Variants in PTPRQ observed in about 807,000 individuals in gnomAD.
PTPRQ encodes phosphatidylinositol phosphatase PTPRQ.
A neutral mutation model predicts 246.0 loss-of-function variants in PTPRQ; 199 were observed. The ratio of observed to expected loss-of-function variants is 0.81; its 90% CI spans 0.72 to 0.91. The LOEUF (loss-of-function observed/expected upper bound fraction) is 0.91. Among genes scored for constraint, PTPRQ ranks in the 40% least tolerant of loss-of-function variants. The probability of loss-of-function intolerance (pLI) is 0.00; values close to 1 mark genes in which losing one functional copy is unlikely to be tolerated. For synonymous variants in PTPRQ, 869 were observed against 853.2 expected, an observed-to-expected ratio of 1.02 and a Z score of -0.32; for missense variants, 2,624 against 2,528.4, an observed-to-expected ratio of 1.04 and a Z score of -0.81.
chr12:80,654,618 C>T (rs1163022), intron 38 of PTPRQ, among the ~76,000 whole-genome samples: 2,741 of 150,270 alleles, frequency 0.018, 72 homozygotes, highest in African/African-American at 0.064. Flanking sequence ...GAGGCTGAGG[C>T]GGGCAGATCA....
intron 14 of PTPRQ, among the ~76,000 whole-genome samples, chr12:80,504,889 C>G (rs553710901): frequency 6.6e-6 from 1 of 152,036 alleles, no homozygotes; most frequent in South Asian, 2.1e-4. Flanking sequence ...TTTCTGTCCT[C>G]TCTGCATGGT....
chr12:80,554,109 G>A (rs1399253595), intron 25 of PTPRQ, among the ~76,000 whole-genome samples: 3 of 152,008 alleles, frequency 2.0e-5, no homozygotes, highest in African/African-American at 7.3e-5. Context: ...GATGGTTAAG[G>A]ATACAAAAAC....
At chr12:80,550,831 C>T (rs1056564443) in intron 25 of PTPRQ, among the ~76,000 whole-genome samples, 7 of 152,124 alleles carry the variant, frequency 4.6e-5, no homozygotes, top group Admixed American at 3.9e-4. Context: ...TAGGAATACT[C>T]TCTATTCCAT....
chr12:80,665,954 G>A (rs946451661), intron 39 of PTPRQ, among the ~76,000 whole-genome samples: 1 of 151,906 alleles, frequency 6.6e-6, no homozygotes, highest in Non-Finnish European at 1.5e-5. Context: ...ACAAATGCCA[G>A]CAAGAATGCA....
At chr12:80,589,489 T>C (rs1897721638) in intron 26 of PTPRQ, among the ~76,000 whole-genome samples, 1 of 152,162 alleles carries the variant, frequency 6.6e-6, no homozygotes, top group Non-Finnish European at 1.5e-5. Flanking sequence ...TACTTATTAG[T>C]ATAGTAACAT....
intron 23 of PTPRQ, among the ~76,000 whole-genome samples, chr12:80,545,804 T>C (rs1896287379): frequency 6.7e-6 from 1 of 149,536 alleles, no homozygotes; most frequent in Non-Finnish European, 1.5e-5. Context: ...TATTTATTAC[T>C]GTTTTGCCAG....
intron 10 of PTPRQ, 135 bp from the exon 11 acceptor site, chr12:80,494,798 T>G: frequency 1.3e-6 from 1 of 777,954 alleles, no homozygotes; most frequent in East Asian, 3.0e-5. Flanking sequence ...ACACCTAACT[T>G]TAATAGAGGT....
At chr12:80,580,982 T>C (rs532851778) in intron 25 of PTPRQ, among the ~76,000 whole-genome samples, 1 of 152,316 alleles carries the variant, frequency 6.6e-6, no homozygotes, top group South Asian at 2.1e-4. Flanking sequence ...TGAACGAATA[T>C]TGATCTGCTG....
chr12:80,516,137 A>G (rs908593245), intron 17 of PTPRQ, among the ~76,000 whole-genome samples: 1 of 152,100 alleles, frequency 6.6e-6, no homozygotes, highest in Admixed American at 6.6e-5. Flanking sequence ...CTGTAAGCTT[A>G]TTGTTTTAAT....
At chr12:80,495,402 T>TTGC (rs1894586407) in intron 12 of PTPRQ, 31 bp downstream of exon 12, 2 of 1,490,422 alleles carry the variant, frequency 1.3e-6, no homozygotes, top group East Asian at 2.5e-5. Flanking sequence ...GTTGTTGTTG[T>TTGC]TGTTCATTTT....
chr12:80,580,183 T>C (rs1210438827), intron 25 of PTPRQ, among the ~76,000 whole-genome samples: 1 of 152,216 alleles, frequency 6.6e-6, no homozygotes, highest in Non-Finnish European at 1.5e-5. Context: ...TCTCATGCAT[T>C]TAAACCTATA....
intron 25 of PTPRQ, among the ~76,000 whole-genome samples, chr12:80,581,234 T>A (rs1897424163): frequency 6.6e-6 from 1 of 152,156 alleles, no homozygotes. Flanking sequence ...GAAAGGTAAC[T>A]GGTAGTAGAT....
At chr12:80,532,381 G>A (rs762892467) in intron 17 of PTPRQ, among the ~76,000 whole-genome samples, 11 of 151,794 alleles carry the variant, frequency 7.2e-5, no homozygotes, top group Non-Finnish European at 1.5e-4. Context: ...CCACCACGCA[G>A]GGCTAATTTT....
In PTPRQ at chr12:80,542,768, T is replaced by C; in HGVS notation, c.3760T>C (p.Cys1254Arg). ...TCCACAAAATTTGACTTTAATCAACTGTACTTCAGACTTTGTATGGCTGAA... is the reference window on the plus strand; with the variant it reads ...TCCACAAAATTTGACTTTAATCAACCGTACTTCAGACTTTGTATGGCTGAA... ...APPQNLTLINCTSDFVWLKWS... is the reference protein window; with the variant it reads ...APPQNLTLINRTSDFVWLKWS... The change falls in exon 23 of 45, where the codon TGT (cysteine) becomes CGT (arginine). Residue 1254 changes from cysteine to arginine, a missense_variant. Physicochemically the swap from Cys to Arg is radical, Grantham distance 180. Coordinates refer to ENST00000644991, the MANE Select transcript of PTPRQ (RefSeq NM_001145026.2). 6.5e-7 allele frequency: 1 copy of C among 1,549,112 alleles called. No individual in the cohort carries two copies. Among genetic ancestry groups the C allele is most frequent in the Non-Finnish European group, 8.7e-7 (1 of 1,145,974 alleles).
intron 35 of PTPRQ, among the ~76,000 whole-genome samples, chr12:80,636,680 C>T (rs10862176): frequency 0.51 from 77,539 of 151,976 alleles, 23,647 homozygotes; most frequent in Non-Finnish European, 0.66. Flanking sequence ...CTTCTAAGAC[C>T]GACCCCCTCC....
intron 9 of PTPRQ, 140 bp from the exon 10 acceptor site, chr12:80,493,135 A>C (rs1303279856): frequency 1.3e-5 from 12 of 958,452 alleles, no homozygotes; most frequent in African/African-American, 1.7e-5. Flanking sequence ...TTGGAATCTA[A>C]AGAAGACAGT....
intron 29 of PTPRQ, among the ~76,000 whole-genome samples, chr12:80,614,985 T>C (rs1898696456): frequency 6.6e-6 from 1 of 150,932 alleles, no homozygotes; most frequent in African/African-American, 2.4e-5. Flanking sequence ...CCTTGAAGTT[T>C]GTTAGGATGT....
chr12:80,457,451 G>T, intron 3 of PTPRQ, 124 bp from the exon 4 acceptor site: 2 of 396,600 alleles, frequency 5.0e-6, no homozygotes. Context: ...CTTCTTCCTT[G>T]AGAGTATTAA....
intron 17 of PTPRQ, among the ~76,000 whole-genome samples, chr12:80,522,348 A>G (rs1022350227): frequency 6.6e-6 from 1 of 151,958 alleles, no homozygotes; most frequent in Non-Finnish European, 1.5e-5. Context: ...ATTGAATACC[A>G]TTTATTTCCT....
Sources: gnomAD v4.1 joint callset for allele counts (sites outside exome capture counted in the v4.1 genomes callset) on GRCh38, gnomAD v4.1.1 for gene constraint, MANE v1.5 for transcripts, NCBI Gene and HGNC (gene_info 2026-07-23, HGNC 2026-07-21) for gene names.